ANKAR: variants seen among roughly 807,000 people sequenced by gnomAD.
ANKAR encodes ankyrin and armadillo repeat-containing protein.
Under a neutral mutation model 146.2 loss-of-function variants are expected in ANKAR, and 136 were observed. That is an observed-to-expected ratio of 0.93 (90% CI 0.81 to 1.07). The LOEUF is 1.07. Ranked by LOEUF, ANKAR falls within the 50% of genes least tolerant of loss-of-function variation. The pLI is 0.00. For synonymous variants in ANKAR, 500 were observed against 575.8 expected (o/e 0.87, Z 1.88); for missense variants, 1,567 against 1,679.9 (o/e 0.93, Z 1.18).
intron 2 of ANKAR, among the ~76,000 whole-genome samples, chr2:189,685,021 A>C (rs2035339664): frequency 2.0e-5 from 3 of 151,210 alleles, no homozygotes; most frequent in Admixed American, 6.6e-5. Flanking sequence ...TTTTTTTTTT[A>C]AAGGGACAAG....
At chr2:189,753,171 C>T (rs1306733850) in intron 18 of ANKAR, 1 of 392,896 alleles carries the variant, frequency 2.5e-6, no homozygotes, top group South Asian at 7.0e-5. Context: ...TAATAGCATA[C>T]AAACATTACT....
chr2:189,702,178 G>C (rs1227200209), intron 7 of ANKAR, among the ~76,000 whole-genome samples: 1 of 152,112 alleles, frequency 6.6e-6, no homozygotes, highest in Non-Finnish European at 1.5e-5. Flanking sequence ...GTTAGGCTCT[G>C]GTAAAGTAGT....
intron 18 of ANKAR, chr2:189,753,226 T>C (rs939450708): frequency 4.1e-6 from 1 of 243,836 alleles, no homozygotes; most frequent in African/African-American, 2.3e-5. Context: ...TAAATATTTA[T>C]TTAATATAAT....
chr2:189,751,988 CAA>C (rs558174961), intron 18 of ANKAR, among the ~76,000 whole-genome samples: 15 of 151,162 alleles, frequency 9.9e-5, no homozygotes, highest in African/African-American at 3.2e-4. Context: ...ACTAAAAATA[CAA>C]AAAATGAGCT....
chr2:189,676,694 A>G lies in ANKAR; in HGVS notation c.204A>G (p.Pro68=), dbSNP rs1442055613. 6.2e-7 allele frequency: 1 copy of G among 1,614,194 alleles called. No homozygotes were observed. The highest frequency in any genetic ancestry group is 1.7e-5 in the Admixed American group (1 of 60,022). ...KEDVRSQVDL[P]CGIMSQMNNV... ...ATGTGCGCTCTCAAGTAGACCTCCCATGTGGAATTATGAGTCAAATGAATA... is the reference window on the plus strand; with the variant it reads ...ATGTGCGCTCTCAAGTAGACCTCCCGTGTGGAATTATGAGTCAAATGAATA... Residue 68 remains proline, a synonymous_variant, in exon 2 of 23, where the codon CCA becomes CCG. Coordinates refer to ENST00000684021, the MANE Select transcript of ANKAR (RefSeq NM_001378068.1).
rs933503888 is a variant in ANKAR at position 189,690,543 on chromosome 2, T to G, written c.1039+579T>G. Among the ~76,000 whole-genome samples, 4 of 152,214 alleles carry G rather than the reference T, an allele frequency of 2.6e-5. 1 individual carries two copies. The highest frequency in any genetic ancestry group is 2.6e-4 in the Admixed American group (4 of 15,280). On this transcript the variant is annotated intron_variant, in intron 3 of 22. Transcript: ENST00000684021. ...TTTGATGGGACTTCAGTATAAACTC[T>G]TCATTCAACACTGATTAGCACACAA...
At chr2:189,688,066 A>G (rs139313046) in intron 2 of ANKAR, among the ~76,000 whole-genome samples, 179 of 151,394 alleles carry the variant, frequency 1.2e-3, no homozygotes, top group Non-Finnish European at 2.3e-3. Flanking sequence ...AGTTTACCCA[A>G]TTTTTTTTTA....
chr2:189,695,049 C>G lies in ANKAR; in HGVS notation c.1376C>G (p.Ala459Gly), dbSNP rs2036994807. 9.3e-6 allele frequency: 15 copies of G among 1,611,630 alleles called. No individual in the cohort carries two copies. The East Asian group carries it at 3.1e-4, about 34-fold the overall frequency. ...QQLYKTQWWG[A>G]INEIVNNLRL... The stretch of plus-strand genomic sequence containing the variant: ...CTATATAAGACACAGTGGTGGGGAG[C>G]CATAAATGAAATAGTGAACAATCTG... The change falls in exon 6 of 23, where the codon GCC becomes GGC. Residue 459 changes from alanine (A) to glycine (G), a missense_variant. Physicochemically the swap from Ala to Gly is moderately conservative, Grantham distance 60 (BLOSUM62 0). Transcript: ENST00000684021.
intron 11 of ANKAR, 60 bp downstream of exon 11, chr2:189,719,873 A>G (rs1269356251): frequency 1.4e-6 from 2 of 1,456,368 alleles, no homozygotes; most frequent in East Asian, 2.3e-5. Context: ...TATAGAAGTT[A>G]CAAAAATAGA....
intron 10 of ANKAR, among the ~76,000 whole-genome samples, chr2:189,717,537 C>T (rs1250850856): frequency 6.6e-6 from 1 of 152,142 alleles, no homozygotes; most frequent in Non-Finnish European, 1.5e-5. Flanking sequence ...GGCGATTCCT[C>T]AAGGATCTAG....
At chr2:189,695,815 A>G (rs1013052537) in intron 6 of ANKAR, among the ~76,000 whole-genome samples, 1 of 152,254 alleles carries the variant, frequency 6.6e-6, no homozygotes, top group Admixed American at 6.5e-5. Flanking sequence ...CTGTATTTCT[A>G]CAGCTATATA....
At chr2:189,679,211 G>T (rs373362615) in intron 2 of ANKAR, among the ~76,000 whole-genome samples, 1 of 151,770 alleles carries the variant, frequency 6.6e-6, no homozygotes, top group African/African-American at 2.4e-5. Context: ...ATTTAATTTT[G>T]TTTTTTGCAG....
intron 15 of ANKAR, among the ~76,000 whole-genome samples, chr2:189,730,271 A>T (rs1465692825): frequency 6.6e-6 from 1 of 152,182 alleles, no homozygotes; most frequent in African/African-American, 2.4e-5. Context: ...TGTGACTTTT[A>T]GGAAGCCACT....
At chr2:189,688,962 A>T (rs2036009256) in intron 2 of ANKAR, among the ~76,000 whole-genome samples, 1 of 152,196 alleles carries the variant, frequency 6.6e-6, no homozygotes, top group African/African-American at 2.4e-5. Flanking sequence ...GGGGACAGGA[A>T]GATCAGTTAT....
At chr2:189,732,397 C>T (rs548428840) in intron 16 of ANKAR, among the ~76,000 whole-genome samples, 1 of 152,192 alleles carries the variant, frequency 6.6e-6, no homozygotes, top group Non-Finnish European at 1.5e-5. Context: ...TGCTTTGGCT[C>T]ACGCCTGTAA....
chr2:189,749,630 CA>C (rs1439938689), downstream of ANKAR, among the ~76,000 whole-genome samples: 2 of 151,914 alleles, frequency 1.3e-5, no homozygotes, highest in Non-Finnish European at 2.9e-5. Context: ...AGTATGTGGA[CA>C]ACTAAAGCGT....
At chr2:189,720,482 G>C (rs2041111544) in intron 11 of ANKAR, 137 bp from the exon 12 acceptor site, 1 of 376,608 alleles carries the variant, frequency 2.7e-6, no homozygotes, top group Admixed American at 5.0e-5. Context: ...TCTTGACCTT[G>C]TGATCCGCCT....
intron 18 of ANKAR, among the ~76,000 whole-genome samples, chr2:189,752,071 G>A (rs908672957): frequency 1.4e-4 from 22 of 151,862 alleles, no homozygotes; most frequent in Non-Finnish European, 3.1e-4. Context: ...TTGAATATGG[G>A]AAGCAGAGGT....
chr2:189,743,098 C>G (rs1488469948), intron 20 of ANKAR, among the ~76,000 whole-genome samples, 177 bp from the exon 21 acceptor site: 1 of 151,946 alleles, frequency 6.6e-6, no homozygotes, highest in Non-Finnish European at 1.5e-5. Context: ...GTTGACAGCT[C>G]TCTGTAAAAA....
Sources: gnomAD v4.1 joint callset for allele counts (sites outside exome capture counted in the v4.1 genomes callset) on GRCh38, gnomAD v4.1.1 for gene constraint, MANE v1.5 for transcripts, NCBI Gene and HGNC (gene_info 2026-07-23, HGNC 2026-07-21) for gene names.